RBM7: variants seen among roughly 807,000 people sequenced by gnomAD.
RBM7 encodes RNA-binding protein 7.
In RBM7, 13 loss-of-function variants were observed where a neutral mutation model predicts 31.0. That is an observed-to-expected ratio of 0.42 (90% CI 0.27 to 0.67). The LOEUF is 0.67. Among genes scored for constraint, RBM7 ranks in the 30% least tolerant of loss-of-function variants. The pLI, the probability that RBM7 is intolerant of heterozygous loss-of-function variation, is 0.24. For synonymous variants in RBM7, 106 were observed against 111.2 expected (o/e 0.95, Z 0.30); for missense variants, 245 against 326.2 (o/e 0.75, Z 1.92).
In RBM7 at chr11:114,402,859, G is replaced by T. The variant is rs1484407503; in HGVS notation, c.291G>T (p.Leu97Phe). Residue 97 changes from leucine to phenylalanine, a missense_variant, in exon 3 of 5, where the codon TTG becomes TTT. Physicochemically the swap from Leu to Phe is conservative, Grantham distance 22. Coordinates refer to ENST00000375490, the MANE Select transcript of RBM7 (RefSeq NM_001286045.2). ...GSSHAPQDVSLSYPQHHVGNS... is the reference protein window; with the variant it reads ...GSSHAPQDVSFSYPQHHVGNS... ...GTCATGCCCCACAAGATGTCAGTTTGTCATATCCCCAACATCATGTTGGAA... is the reference window on the plus strand; with the variant it reads ...GTCATGCCCCACAAGATGTCAGTTTTTCATATCCCCAACATCATGTTGGAA... 6.2e-7 allele frequency: 1 copy of T among 1,613,154 alleles called. No homozygotes were observed. Among genetic ancestry groups the T allele is most frequent in the Non-Finnish European group, 8.5e-7 (1 of 1,179,276 alleles).
Position 114,400,685 on chromosome 11 carries a change from C to G in RBM7, c.14C>G (p.Ala5Gly), listed in dbSNP as rs368320968. Residue 5 changes from alanine (A) to glycine (G), a missense_variant, in exon 1 of 5, where the codon GCG becomes GGG. Coordinates refer to ENST00000375490, the MANE Select transcript of RBM7 (RefSeq NM_001286045.2). The stretch of plus-strand genomic sequence containing the variant: ...GGCGACGCTGAGATGGGGGCGGCGG[C>G]GGCGGAAGCGGATCGCACTCTCTTT... The part of the protein sequence containing the change: MGAA[A>G]AEADRTLFVG... 7.4e-6 allele frequency: 12 copies of G among 1,614,206 alleles called. No individual in the cohort carries two copies. In the African/African-American group the frequency reaches 1.5e-4, roughly 20 times the overall value.
intron 1 of RBM7, 80 bp downstream of exon 1, chr11:114,400,847 T>A (rs1447334710): frequency 3.3e-5 from 51 of 1,545,650 alleles, no homozygotes; most frequent in Non-Finnish European, 4.2e-5. Context: ...CGTTTTCTTT[T>A]CGTAGCCGTC....
intron 1 of RBM7, among the ~76,000 whole-genome samples, chr11:114,401,035 A>G (rs768660120): frequency 8.5e-5 from 13 of 152,160 alleles, no homozygotes; most frequent in Non-Finnish European, 1.8e-4. Flanking sequence ...CCTTGGGAAC[A>G]CAGTGTGTGT....
intron 3 of RBM7, among the ~76,000 whole-genome samples, chr11:114,403,557 A>C (rs1284214980): frequency 1.3e-5 from 2 of 152,232 alleles, no homozygotes; most frequent in Non-Finnish European, 2.9e-5. Flanking sequence ...ATATTTTACC[A>C]GGGACAATTT....
intron 4 of RBM7, chr11:114,406,019 G>A: frequency 4.4e-6 from 2 of 455,432 alleles, no homozygotes; most frequent in Non-Finnish European, 7.7e-6. Flanking sequence ...AGTTTTCACT[G>A]GGCTGAAATA....
intron 3 of RBM7, among the ~76,000 whole-genome samples, chr11:114,404,064 G>A (rs1018286773): frequency 6.6e-6 from 1 of 152,140 alleles, no homozygotes; most frequent in Non-Finnish European, 1.5e-5. Flanking sequence ...GCTGGAGAGG[G>A]TCTTTTAAAC....
rs780202100 is a variant in RBM7, at chr11:114,407,765, A to G, written c.762A>G (p.Arg254=). ...DDWSHDYDNR[R]DSSRDGKWRS... is the part of the protein sequence containing the mutation. ...GGAGCCATGACTATGATAACAGAAG[A>G]GACAGTAGTAGAGATGGAAAATGGC... The change falls in exon 5 of 5, where the codon AGA becomes AGG. Residue 254 remains arginine (R), a synonymous_variant. Coordinates refer to ENST00000375490, the MANE Select transcript of RBM7 (RefSeq NM_001286045.2). The G allele has an allele frequency of 6.2e-7, 1 of 1,612,684 alleles. No homozygotes were observed. The highest frequency in any genetic ancestry group is 8.5e-7 in the Non-Finnish European group (1 of 1,179,760).
intron 3 of RBM7, 134 bp downstream of exon 3, chr11:114,403,049 GGTT>G (rs953371163): frequency 2.1e-5 from 17 of 796,806 alleles, no homozygotes; most frequent in African/African-American, 1.4e-4. Context: ...TGCCTTTTGG[GGTT>G]GTTGTTATGT....
At chr11:114,406,485 T>C (rs1946267259) in intron 4 of RBM7, 1 of 152,232 alleles carries the variant, frequency 6.6e-6, no homozygotes, top group Non-Finnish European at 1.5e-5. Flanking sequence ...AATGATCATA[T>C]ACTAATATTT....
In RBM7 at chr11:114,408,073, G is replaced by A. The variant is rs545972700; in HGVS notation, c.*266G>A. ...CCTAATCATTTTAGACACTTTAGGA[G>A]GGGGTGAAGTTGTATGATAAAGCAG... On this transcript the variant is annotated 3_prime_UTR_variant, in exon 5 of 5. Transcript: ENST00000375490. The A allele has an allele frequency of 3.9e-6, 1 of 257,742 alleles. No homozygotes were observed. Among genetic ancestry groups the A allele is most frequent in the African/African-American group, 2.2e-5 (1 of 45,262 alleles). The allele number at this position is 257,742 out of a possible 1,614,324, so 16.0% of individuals were successfully genotyped here.
intron 3 of RBM7, 24 bp from the exon 4 acceptor site, chr11:114,405,682 G>A: frequency 6.8e-7 from 1 of 1,473,768 alleles, no homozygotes; most frequent in Non-Finnish European, 9.3e-7. Context: ...TGAATGAATG[G>A]TTACATGTTG....
In RBM7 at chr11:114,408,993, T is replaced by A. The variant is rs1192021114; in HGVS notation, c.*1186T>A. 6.6e-6 allele frequency: 1 copy of A among 152,232 alleles called. No homozygotes were observed. Among genetic ancestry groups the A allele is most frequent in the Non-Finnish European group, 1.5e-5 (1 of 67,986 alleles). The allele number at this position is 152,232 out of a possible 1,614,324, so 9.4% of individuals were successfully genotyped here. A position where few individuals can be genotyped will look rare whatever the true frequency, so the allele number is the denominator to read the frequency against. On this transcript the variant is annotated 3_prime_UTR_variant, in exon 5 of 5. Coordinates refer to ENST00000375490, the MANE Select transcript of RBM7 (RefSeq NM_001286045.2). ...AAAGAATTAACATACTTTTATTCAC[T>A]GATTGCCTGCTGTTTAGAATATCAG...
intron 4 of RBM7, chr11:114,406,030 T>C (rs545129861): frequency 1.7e-4 from 73 of 436,594 alleles, no homozygotes; most frequent in Non-Finnish European, 2.5e-4. Flanking sequence ...GGCTGAAATA[T>C]ATACTTAAAA....
intron 3 of RBM7, 39 bp from the exon 4 acceptor site, chr11:114,405,666 AT>A: frequency 7.1e-7 from 1 of 1,402,984 alleles, no homozygotes; most frequent in Non-Finnish European, 9.8e-7. Context: ...GTTAGTAAAT[AT>A]TTATTGAATG....
rs1946245456 is a variant in RBM7, at chr11:114,404,845, G to A, written c.348-861G>A. 3.3e-5 allele frequency among the ~76,000 whole-genome samples: 5 copies of A among 152,164 alleles called. No individual in the cohort carries two copies. In the South Asian group the frequency reaches 1.0e-3, roughly 31 times the overall value. On this transcript the variant is annotated intron_variant, in intron 3 of 4. Coordinates refer to ENST00000375490, the MANE Select transcript of RBM7 (RefSeq NM_001286045.2). ...CAAAATTAAAAGATCCAAAGTGTAA[G>A]ACCAGCCAATTGGCTATTTGATTCT...
At chr11:114,402,419 T>G (rs1189236738) in intron 2 of RBM7, among the ~76,000 whole-genome samples, 1 of 94,440 alleles carries the variant, frequency 1.1e-5, no homozygotes, top group Non-Finnish European at 1.9e-5. Flanking sequence ...TTTTTTTTTT[T>G]TTGAGATGGA....
Position 114,408,617 on chromosome 11 carries a change from TGTCA to T in RBM7, c.*815_*818del, listed in dbSNP as rs1311890222. The T allele has an allele frequency of 6.6e-6, 1 of 152,656 alleles. No homozygotes were observed. The highest frequency in any genetic ancestry group is 1.5e-5 in the Non-Finnish European group (1 of 68,008). 9.5% of individuals were successfully genotyped at this position (152,656 alleles called of 1,614,324 possible). A position where few individuals can be genotyped will look rare whatever the true frequency, so the allele number is the denominator to read the frequency against. ...TCATGAAGCCTTTAAGTGCTGCTTC[TGTCA>T]GTCAAACGTTAAAAACTTTAACATT... On this transcript the variant is annotated 3_prime_UTR_variant, in exon 5 of 5. Coordinates refer to ENST00000375490, the MANE Select transcript of RBM7 (RefSeq NM_001286045.2).
intron 1 of RBM7, 137 bp downstream of exon 1, chr11:114,400,904 T>A: frequency 1.1e-6 from 1 of 927,158 alleles, no homozygotes; most frequent in Non-Finnish European, 1.6e-6. Flanking sequence ...CGGGTCTGGG[T>A]TGCGAAACGC....
chr11:114,403,968 A>C (rs994824327), intron 3 of RBM7, among the ~76,000 whole-genome samples: 1 of 152,240 alleles, frequency 6.6e-6, no homozygotes, highest in Non-Finnish European at 1.5e-5. Flanking sequence ...AGGAGATGAT[A>C]TAGATGAATG....
Sources: gnomAD v4.1 joint callset for allele counts (sites outside exome capture counted in the v4.1 genomes callset) on GRCh38, gnomAD v4.1.1 for gene constraint, MANE v1.5 for transcripts, NCBI Gene and HGNC (gene_info 2026-07-23, HGNC 2026-07-21) for gene names.